The following R3HCC1L variants were observed in gnomAD, a reference collection of about 807,000 sequenced individuals.
The protein encoded by R3HCC1L is coiled-coil domain-containing protein R3HCC1L.
R3HCC1L carries 51 observed loss-of-function variants against 59.9 expected under a neutral mutation model. The ratio of observed to expected loss-of-function variants is 0.85; its 90% CI spans 0.68 to 1.07. The LOEUF (loss-of-function observed/expected upper bound fraction) is 1.07, where lower values mean the gene tolerates loss of function less well. Among genes scored for constraint, R3HCC1L ranks in the 50% least tolerant of loss-of-function variants. The pLI is 0.00. For synonymous variants in R3HCC1L, 322 were observed against 315.2 expected (o/e 1.02, Z -0.23); for missense variants, 965 against 933.0 (o/e 1.03, Z -0.45).
chr10:98,164,702 A>G (rs2134231752), intron 4 of R3HCC1L, among the ~76,000 whole-genome samples: 1 of 152,178 alleles, frequency 6.6e-6, no homozygotes, highest in East Asian at 1.9e-4. Flanking sequence ...AGTGCTGACA[A>G]TCTGTGACAG....
At chr10:98,240,440 C>T (rs1857409308) in intron 9 of R3HCC1L, among the ~76,000 whole-genome samples, 1 of 152,248 alleles carries the variant, frequency 6.6e-6, no homozygotes, top group South Asian at 2.1e-4. Flanking sequence ...AAGCTATCTT[C>T]TCATTTTCAA....
At chr10:98,156,547 T>C (rs1218363362) in intron 2 of R3HCC1L, among the ~76,000 whole-genome samples, 1 of 152,224 alleles carries the variant, frequency 6.6e-6, no homozygotes, top group Non-Finnish European at 1.5e-5. Flanking sequence ...AAATATCTAA[T>C]GGGCACAATG....
chr10:98,166,870 T>A (rs1847996412), intron 4 of R3HCC1L, among the ~76,000 whole-genome samples: 1 of 152,146 alleles, frequency 6.6e-6, no homozygotes, highest in Non-Finnish European at 1.5e-5. Flanking sequence ...TTTCACCGTG[T>A]TAGCCAGGAT....
In R3HCC1L at chr10:98,163,320, T is replaced by C; in HGVS notation, c.-92T>C. 3.9e-6 allele frequency: 4 copies of C among 1,012,696 alleles called. No homozygotes were observed. Among genetic ancestry groups the C allele is most frequent in the South Asian group, 3.5e-5 (1 of 28,714 alleles). The allele number at this position is 1,012,696 out of a possible 1,614,324, so 62.7% of individuals were successfully genotyped here. A position where few individuals can be genotyped will look rare whatever the true frequency, so the allele number is the denominator to read the frequency against. On this transcript the variant is annotated 5_prime_UTR_variant, in exon 4 of 10. Coordinates refer to ENST00000298999, the MANE Select transcript of R3HCC1L (RefSeq NM_001351015.2). ...GAGGCTGCTGTCAGAAAGGAACTTT[T>C]ACACAGTTTGCCTTCAGAGACAGTC...
intron 1 of R3HCC1L, among the ~76,000 whole-genome samples, chr10:98,153,669 A>C (rs1235673800): frequency 6.6e-6 from 1 of 151,936 alleles, no homozygotes; most frequent in Non-Finnish European, 1.5e-5. Context: ...CTTAATGTTG[A>C]AACAGTGATC....
At position 98,209,432 on chromosome 10, in the gene R3HCC1L, C is replaced by CCTT; in HGVS notation, c.1321_1323dup (p.Ser441dup). 6.2e-7 allele frequency: 1 copy of CCTT among 1,613,564 alleles called. No individual in the cohort carries two copies. Among genetic ancestry groups the CCTT allele is most frequent in the Non-Finnish European group, 8.5e-7 (1 of 1,179,988 alleles). On this transcript the variant is annotated inframe_insertion, in exon 5 of 10. Transcript: ENST00000298999. ...GAATGACACTGAAGATTTCAGCAAC[C>CCTT]CTTCTGCTTGCTCAGATATTTATGG...
chr10:98,164,936 C>T (rs1847787073), intron 4 of R3HCC1L, among the ~76,000 whole-genome samples: 1 of 152,170 alleles, frequency 6.6e-6, no homozygotes, highest in Non-Finnish European at 1.5e-5. Flanking sequence ...TTCACCTTTC[C>T]TTTCAAGGTG....
chr10:98,185,642 T>C (rs2134692183), intron 4 of R3HCC1L, among the ~76,000 whole-genome samples: 1 of 152,306 alleles, frequency 6.6e-6, no homozygotes. Flanking sequence ...CATGTGGCTA[T>C]AAAGCATATG....
At chr10:98,179,844 T>A (rs909557532) in intron 4 of R3HCC1L, among the ~76,000 whole-genome samples, 11 of 152,224 alleles carry the variant, frequency 7.2e-5, no homozygotes, top group African/African-American at 2.7e-4. Flanking sequence ...TTCTAGTTTA[T>A]TTGCGTATAG....
chr10:98,234,947 A>G (rs746633998), intron 7 of R3HCC1L, among the ~76,000 whole-genome samples: 6 of 152,222 alleles, frequency 3.9e-5, no homozygotes, highest in African/African-American at 7.2e-5. Context: ...CATTGGCCTC[A>G]TGATAGATCT....
rs1303752234 is a variant in R3HCC1L at position 98,231,544 on chromosome 10, C to T, written c.1818C>T (p.Ile606=). 1.2e-6 allele frequency: 2 copies of T among 1,613,050 alleles called. No homozygotes were observed. The highest frequency in any genetic ancestry group is 8.5e-7 in the Non-Finnish European group (1 of 1,179,654). Residue 606 remains isoleucine (I), a synonymous_variant, in exon 6 of 10, where the codon ATC becomes ATT. Coordinates refer to ENST00000298999, the MANE Select transcript of R3HCC1L (RefSeq NM_001351015.2). ...LSGNTKSRES[I]QEPRSDYYNH... is the part of the protein sequence containing the mutation. ...GGAATACCAAGAGCAGAGAGAGCATCCAGGAACCTAGATCTGATTACTACA... is the reference window on the plus strand; with the variant it reads ...GGAATACCAAGAGCAGAGAGAGCATTCAGGAACCTAGATCTGATTACTACA...
intron 2 of R3HCC1L, among the ~76,000 whole-genome samples, chr10:98,162,164 T>A (rs1181078084): frequency 6.6e-6 from 1 of 152,148 alleles, no homozygotes; most frequent in Non-Finnish European, 1.5e-5. Flanking sequence ...CTGCATGATT[T>A]TCTACAGTGT....
At chr10:98,186,705 T>G (rs1203044482) in intron 4 of R3HCC1L, 1 of 170,682 alleles carries the variant, frequency 5.9e-6, no homozygotes, top group Non-Finnish European at 1.2e-5. Flanking sequence ...TCTCATATGA[T>G]TCAAGATTTC....
rs139345451 is a variant in R3HCC1L at position 98,209,092 on chromosome 10, T to G, written c.978T>G (p.Ser326Arg). The change falls in exon 5 of 10, where the codon AGT becomes AGG. Residue 326 changes from serine (S) to arginine (R), a missense_variant. Transcript: ENST00000298999. ...SLSESTNDTV[S>R]PVMIRECEKN... ...CAGAGAGCACAAATGACACTGTTAGTCCAGTAATGATTAGAGAATGTGAGA... is the reference window on the plus strand; with the variant it reads ...CAGAGAGCACAAATGACACTGTTAGGCCAGTAATGATTAGAGAATGTGAGA... 4.1e-3 allele frequency: 6,611 copies of G among 1,614,016 alleles called. 20 individuals carry two copies. The highest frequency in any genetic ancestry group is 5.0e-3 in the Non-Finnish European group (5,883 of 1,179,964).
At chr10:98,230,854 T>G (rs936613550) in intron 5 of R3HCC1L, among the ~76,000 whole-genome samples, 1 of 152,208 alleles carries the variant, frequency 6.6e-6, no homozygotes, top group African/African-American at 2.4e-5. Context: ...CAGCTTTTTT[T>G]ATAGGACGGT....
intron 6 of R3HCC1L, among the ~76,000 whole-genome samples, chr10:98,233,342 T>G (rs567677296): frequency 6.6e-6 from 1 of 152,282 alleles, no homozygotes; most frequent in South Asian, 2.1e-4. Flanking sequence ...ATTATGAAAT[T>G]TTGAAGTATA....
At chr10:98,168,835 G>A (rs1181409018) in intron 4 of R3HCC1L, among the ~76,000 whole-genome samples, 1 of 152,216 alleles carries the variant, frequency 6.6e-6, no homozygotes, top group Non-Finnish European at 1.5e-5. Flanking sequence ...TGTGTTACCA[G>A]TTTCACTGGT....
intron 4 of R3HCC1L, among the ~76,000 whole-genome samples, chr10:98,185,718 T>G (rs968216113): frequency 2.6e-5 from 4 of 152,194 alleles, no homozygotes; most frequent in Non-Finnish European, 5.9e-5. Flanking sequence ...AGAAGAGTCT[T>G]CTAAGCCATG....
intron 5 of R3HCC1L, among the ~76,000 whole-genome samples, chr10:98,212,350 CTTGA>C (rs1486841413): frequency 1.3e-5 from 2 of 152,258 alleles, no homozygotes; most frequent in East Asian, 3.9e-4. Flanking sequence ...TGGCCTGTTT[CTTGA>C]TTGATAGCAG....
Sources: gnomAD v4.1 joint callset for allele counts (sites outside exome capture counted in the v4.1 genomes callset) on GRCh38, gnomAD v4.1.1 for gene constraint, MANE v1.5 for transcripts, NCBI Gene and HGNC (gene_info 2026-07-23, HGNC 2026-07-21) for gene names.